Variants in BSN observed in about 807,000 individuals in gnomAD.
The protein encoded by BSN is protein bassoon.
In BSN, 57 loss-of-function variants were observed where a neutral mutation model predicts 264.8. The observed-to-expected ratio is 0.22, with a 90% CI of 0.17 to 0.27. The LOEUF (loss-of-function observed/expected upper bound fraction) is 0.27, where lower values mean the gene tolerates loss of function less well. BSN is among the 10% of genes least tolerant of loss of function. The pLI is 1.00. For synonymous variants in BSN, 2,059 were observed against 2,137.3 expected (o/e 0.96, Z 1.01); for missense variants, 4,615 against 5,232.5 (o/e 0.88, Z 3.64).
chr3:49,579,647 T>C (rs1000416872), intron 1 of BSN, among the ~76,000 whole-genome samples: 2 of 151,794 alleles, frequency 1.3e-5, no homozygotes, highest in South Asian at 4.2e-4. Context: ...GGTCTCGAAC[T>C]CCTGACCTCA....
chr3:49,663,234 G>C lies in BSN; in HGVS notation c.11076G>C (p.Pro3692=), dbSNP rs772685357. 1 of 1,614,004 alleles carries C rather than the reference G, an allele frequency of 6.2e-7. No homozygotes were observed. The highest frequency in any genetic ancestry group is 1.3e-5 in the African/African-American group (1 of 74,958). The change falls in exon 7 of 12, where the codon CCG becomes CCC. Residue 3692 remains proline (P), a synonymous_variant. Coordinates refer to ENST00000296452, the MANE Select transcript of BSN (RefSeq NM_003458.4). ...HSQPSSAPAM[P]KKGQPGYPSS... Reference sequence around the variant, plus strand: ...AGCCCAGCTCTGCTCCAGCTATGCCGAAGAAGGGTCAGCCTGGGTATCCCA... The same window carrying C: ...AGCCCAGCTCTGCTCCAGCTATGCCCAAGAAGGGTCAGCCTGGGTATCCCA...
chr3:49,650,461 A>G, intron 3 of BSN, 151 bp from the exon 4 acceptor site: 1 of 716,884 alleles, frequency 1.4e-6, no homozygotes, highest in Non-Finnish European at 2.3e-6. Flanking sequence ...TGGGGGCAGT[A>G]AATTGGTCAG....
In BSN at chr3:49,658,162, C is replaced by T; in HGVS notation, c.8606C>T (p.Ser2869Phe). 1 of 1,589,430 alleles carries T rather than the reference C, an allele frequency of 6.3e-7. No homozygotes were observed. The highest frequency in any genetic ancestry group is 8.6e-7 in the Non-Finnish European group (1 of 1,163,726). The change falls in exon 5 of 12, where the codon TCC becomes TTC. Residue 2869 changes from serine (S) to phenylalanine (F), a missense_variant. By Grantham distance (155) the Ser-to-Phe change is radical. This residue lies in a region of BSN where 3,415 missense variants were observed against 3,866.4 expected (regional missense o/e 0.88). Coordinates refer to ENST00000296452, the MANE Select transcript of BSN (RefSeq NM_003458.4). ...TAEESAKERFSLYQHQGGLGS... is the reference protein window; with the variant it reads ...TAEESAKERFFLYQHQGGLGS... The stretch of plus-strand genomic sequence containing the variant: ...GAAGAGTCTGCCAAAGAGAGATTCT[C>T]CCTCTACCAGCACCAGGGGGGACTG...
rs1559603522 is a variant in BSN, at chr3:49,606,181, A to ATATATTATATATACATATATAATATATG, written c.225-18789_225-18788insTATATATACATATATAATATATGTATAT. Among the ~76,000 whole-genome samples, 40 of 6,806 alleles carry ATATATTATATATACATATATAATATATG rather than the reference A, an allele frequency of 5.9e-3. 6 individuals carry two copies. The highest frequency in any genetic ancestry group is 0.017 in the African/African-American group (35 of 2,056). 4.5% of individuals were successfully genotyped at this position (6,806 alleles called of 152,430 possible). A position where few individuals can be genotyped will look rare whatever the true frequency, so the allele number is the denominator to read the frequency against. ...TTATATATACATATATTATATATGT[A>ATATATTATATATACATATATAATATATG]TATATATTATATATACATATATTAT... On this transcript the variant is annotated intron_variant, in intron 1 of 11. Coordinates refer to ENST00000296452, the MANE Select transcript of BSN (RefSeq NM_003458.4).
At chr3:49,598,182 CT>C (rs1263291707) in intron 1 of BSN, among the ~76,000 whole-genome samples, 7 of 152,324 alleles carry the variant, frequency 4.6e-5, no homozygotes, top group Non-Finnish European at 1.0e-4. Flanking sequence ...ATGGGTTACA[CT>C]TTCCTGTTGC....
In BSN at chr3:49,651,765, G is replaced by C. The variant is rs759214197; in HGVS notation, c.2209G>C (p.Ala737Pro). 1 of 1,613,342 alleles carries C rather than the reference G, an allele frequency of 6.2e-7. No individual in the cohort carries two copies. The highest frequency in any genetic ancestry group is 8.5e-7 in the Non-Finnish European group (1 of 1,179,936). Residue 737 changes from alanine to proline, a missense_variant, in exon 5 of 12, where the codon GCC becomes CCC. Transcript: ENST00000296452. This position sits in a 1 kb window ranked among gnomAD's most constrained non-coding sequence, Gnocchi z 5.4. ...VGSSMRPLLQ[A>P]QGLAPSERSK... ...GAGCAGCATGCGGCCTTTGCTGCAG[G>C]CCCAGGGCCTGGCCCCAAGTGAGCG...
In BSN at chr3:49,663,100, G is replaced by C. The variant is rs753423064; in HGVS notation, c.10942G>C (p.Gly3648Arg). Reference sequence around the variant, plus strand: ...TGCCTCAGCCAAGGAACACCGGCACGGTGACCACGGGCGGCACTCAGGCCG... The same window carrying C: ...TGCCTCAGCCAAGGAACACCGGCACCGTGACCACGGGCGGCACTCAGGCCG... ...RHASAKEHRH[G>R]DHGRHSGRHT... The change falls in exon 7 of 12, where the codon GGT becomes CGT. Residue 3648 changes from glycine to arginine, a missense_variant. Physicochemically the swap from Gly to Arg is moderately radical, Grantham distance 125 (BLOSUM62 -2). This residue lies in a region of BSN where 3,415 missense variants were observed against 3,866.4 expected (regional missense o/e 0.88). Coordinates refer to ENST00000296452, the MANE Select transcript of BSN (RefSeq NM_003458.4). The C allele has an allele frequency of 7.4e-6, 12 of 1,611,772 alleles. No homozygotes were observed. The highest frequency in any genetic ancestry group is 1.0e-5 in the Non-Finnish European group (12 of 1,179,654).
chr3:49,554,676 C>G lies in BSN; in HGVS notation c.74C>G (p.Pro25Arg), dbSNP rs1267477472. Residue 25 changes from proline (P) to arginine (R), a missense_variant, in exon 1 of 12, where the codon CCG becomes CGG. This residue lies in a region of BSN where 1,197 missense variants were observed against 1,348.0 expected (regional missense o/e 0.89). Coordinates refer to ENST00000296452, the MANE Select transcript of BSN (RefSeq NM_003458.4). ...PLPPGGAGPG[P>R]GPGPGPGAGK... ...CCGCCCGGCGGCGCCGGCCCCGGCC[C>G]GGGCCCCGGCCCCGGCCCCGGCGCA... The G allele has an allele frequency of 9.8e-6, 10 of 1,017,342 alleles. No individual in the cohort carries two copies. Among genetic ancestry groups the G allele is most frequent in the African/African-American group, 3.5e-5 (2 of 57,510 alleles). The allele number at this position is 1,017,342 out of a possible 1,614,324, so 63.0% of individuals were successfully genotyped here.
intron 1 of BSN, among the ~76,000 whole-genome samples, chr3:49,580,829 G>A (rs901651956): frequency 1.3e-5 from 2 of 152,074 alleles, no homozygotes; most frequent in Non-Finnish European, 2.9e-5. Flanking sequence ...ACCATTTTAA[G>A]TGTACAATTT....
At chr3:49,608,649 G>A (rs962301895) in intron 1 of BSN, among the ~76,000 whole-genome samples, 37 of 152,094 alleles carry the variant, frequency 2.4e-4, no homozygotes, top group Non-Finnish European at 5.1e-4. Flanking sequence ...CCAACATGGT[G>A]AAACCCTGTC....
At chr3:49,567,957 TG>T (rs960734401) in intron 1 of BSN, among the ~76,000 whole-genome samples, 2 of 152,214 alleles carry the variant, frequency 1.3e-5, no homozygotes, top group African/African-American at 4.8e-5. Context: ...TTTCTCCATG[TG>T]GGCTCATTTG....
At chr3:49,623,282 C>T (rs1166591818) in intron 1 of BSN, among the ~76,000 whole-genome samples, 1 of 152,232 alleles carries the variant, frequency 6.6e-6, no homozygotes, top group Non-Finnish European at 1.5e-5. Context: ...CCACACTGCT[C>T]TCAGCAAGTC....
chr3:49,612,001 C>A (rs9823134), intron 1 of BSN, among the ~76,000 whole-genome samples: 5,578 of 152,236 alleles, frequency 0.037, 340 homozygotes, highest in African/African-American at 0.13. Context: ...AGCTATTACC[C>A]AAGTCTGATG....
chr3:49,555,829 G>T (rs1380794584), intron 1 of BSN, among the ~76,000 whole-genome samples: 1 of 152,240 alleles, frequency 6.6e-6, no homozygotes, highest in African/African-American at 2.4e-5. Context: ...TGGGTCTGCT[G>T]ATATATGTTG....
rs151290687 is a variant in BSN at position 49,660,289 on chromosome 3, C to G, written c.8641-197C>G. On this transcript the variant is annotated intron_variant, in intron 5 of 11. Transcript: ENST00000296452. This position sits in a 1 kb window ranked among gnomAD's most constrained non-coding sequence, Gnocchi z 7.1. ...AAAGAGAAGGGCTGTAAAATAATCA[C>G]AGATCTTCCCTCTATGGCAAAGAAA... 9.1e-3 allele frequency among the ~76,000 whole-genome samples: 1,387 copies of G among 152,230 alleles called. 19 individuals carry two copies. Among genetic ancestry groups the G allele is most frequent in the African/African-American group, 0.032 (1,331 of 41,518 alleles).
chr3:49,567,712 C>A (rs1327077845), intron 1 of BSN, among the ~76,000 whole-genome samples: 1 of 152,224 alleles, frequency 6.6e-6, no homozygotes, highest in Non-Finnish European at 1.5e-5. Flanking sequence ...GGCTGTGTAA[C>A]ATGTTAACCC....
At chr3:49,575,010 G>A (rs1444250431) in intron 1 of BSN, among the ~76,000 whole-genome samples, 1 of 151,976 alleles carries the variant, frequency 6.6e-6, no homozygotes, top group Non-Finnish European at 1.5e-5. Flanking sequence ...ATGTTGATGA[G>A]ACTCTTCTGG....
intron 1 of BSN, among the ~76,000 whole-genome samples, chr3:49,599,888 G>A (rs578249665): frequency 7.7e-4 from 117 of 152,272 alleles, no homozygotes; most frequent in South Asian, 1.2e-3. Flanking sequence ...GGACTCTGTC[G>A]TTAAGGATTT....
At chr3:49,665,494 C>T (rs1160682236) in intron 11 of BSN, among the ~76,000 whole-genome samples, 176 bp downstream of exon 11, 2 of 152,222 alleles carry the variant, frequency 1.3e-5, no homozygotes, top group Non-Finnish European at 2.9e-5. Flanking sequence ...ACAGAGCTGC[C>T]TGAGATGGTG....
Sources: allele counts gnomAD v4.1 joint callset (sites outside exome capture counted in the v4.1 genomes callset), GRCh38; gene constraint gnomAD v4.1.1; regional missense constraint gnomAD v4.1.1; non-coding constraint Gnocchi (gnomAD v3.1); transcripts MANE v1.5; gene names NCBI Gene and HGNC (gene_info 2026-07-23, HGNC 2026-07-21).